LEKR1: variants seen among roughly 807,000 people sequenced by gnomAD.
LEKR1 encodes the protein protein LEKR1.
Under a neutral mutation model 72.4 loss-of-function variants are expected in LEKR1, and 59 were observed. That is an observed-to-expected ratio of 0.82 (90% CI 0.66 to 1.01). LEKR1 has a LOEUF of 1.01. LEKR1 is among the 50% of genes least tolerant of loss of function. The pLI, the probability that LEKR1 is intolerant of heterozygous loss-of-function variation, is 0.00. For synonymous variants in LEKR1, 257 were observed against 263.2 expected (o/e 0.98, Z 0.23); for missense variants, 728 against 759.2 (o/e 0.96, Z 0.48).
intron 3 of LEKR1, among the ~76,000 whole-genome samples, chr3:156,919,959 C>T (rs1204059496): frequency 6.6e-6 from 1 of 152,090 alleles, no homozygotes; most frequent in Non-Finnish European, 1.5e-5. Context: ...GAAAGCCACA[C>T]ACAAAAAAAG....
intron 1 of LEKR1, among the ~76,000 whole-genome samples, chr3:156,827,327 T>G (rs545375113): frequency 7.2e-5 from 11 of 152,368 alleles, no homozygotes; most frequent in Admixed American, 2.6e-4. Context: ...CTTGTCACTT[T>G]GGGAGTTTAA....
chr3:157,035,300 A>G (rs541234574), intron 12 of LEKR1, among the ~76,000 whole-genome samples: 1 of 152,132 alleles, frequency 6.6e-6, no homozygotes. Flanking sequence ...GGTGGAATTG[A>G]AAACAAGGCT....
Position 157,024,843 on chromosome 3 carries a change from A to G in LEKR1, c.1287A>G (p.Lys429=), listed in dbSNP as rs764391210. The part of the protein sequence containing the change: ...EQALLFKEET[K]LQLDIEKEKH... ...CTCTTCTCTTTAAGGAAGAAACAAAATTGCAACTTGATATTGAAAAAGAAA... is the reference window on the plus strand; with the variant it reads ...CTCTTCTCTTTAAGGAAGAAACAAAGTTGCAACTTGATATTGAAAAAGAAA... The change falls in exon 11 of 13, where the codon AAA becomes AAG. Residue 429 remains lysine (K), a synonymous_variant. Transcript: ENST00000356539. The G allele has an allele frequency of 6.2e-7, 1 of 1,611,458 alleles. No individual in the cohort carries two copies. Among genetic ancestry groups the G allele is most frequent in the East Asian group, 2.2e-5 (1 of 44,822 alleles).
intron 3 of LEKR1, among the ~76,000 whole-genome samples, chr3:156,862,392 C>A (rs1258344033): frequency 6.6e-6 from 1 of 151,984 alleles, no homozygotes; most frequent in Admixed American, 6.6e-5. Flanking sequence ...AGAATGAATT[C>A]GAAGGGAGGC....
intron 9 of LEKR1, 30 bp from the exon 10 acceptor site, chr3:157,011,383 T>C (rs1457882738): frequency 6.9e-7 from 1 of 1,457,850 alleles, no homozygotes; most frequent in Non-Finnish European, 9.6e-7. Flanking sequence ...GGGTAAGTAT[T>C]GACTCATTTG....
At chr3:156,910,424 T>C (rs979823729) in intron 3 of LEKR1, among the ~76,000 whole-genome samples, 1 of 152,172 alleles carries the variant, frequency 6.6e-6, no homozygotes, top group African/African-American at 2.4e-5. Flanking sequence ...ATGGTTTCCA[T>C]AACAATAGAC....
rs934276687 is a variant in LEKR1 at position 156,828,236 on chromosome 3, C to A, written c.-44-1050C>A. Among the ~76,000 whole-genome samples, 3 of 152,188 alleles carry A rather than the reference C, an allele frequency of 2.0e-5. No individual in the cohort carries two copies. In the South Asian group the frequency reaches 6.2e-4, roughly 32 times the overall value. The stretch of plus-strand genomic sequence containing the variant: ...ATCTTCTCTTCCACTAGTGGTTGCA[C>A]CATTTACAAAGATAATGCCACTATA... On this transcript the variant is annotated intron_variant, in intron 1 of 12. Transcript: ENST00000356539.
chr3:156,837,102 C>T (rs1447662277), intron 2 of LEKR1, among the ~76,000 whole-genome samples: 1 of 152,208 alleles, frequency 6.6e-6, no homozygotes, highest in African/African-American at 2.4e-5. Context: ...TACTCAGTTT[C>T]AGTAGTGACT....
At chr3:157,044,807 G>C (rs539244425) in intron 12 of LEKR1, among the ~76,000 whole-genome samples, 1 of 152,248 alleles carries the variant, frequency 6.6e-6, no homozygotes, top group Admixed American at 6.5e-5. Flanking sequence ...CATCATATGA[G>C]AACTGATTTT....
chr3:156,931,967 C>A (rs977642080), intron 5 of LEKR1, among the ~76,000 whole-genome samples: 11 of 152,022 alleles, frequency 7.2e-5, no homozygotes, highest in African/African-American at 2.7e-4. Flanking sequence ...TTGTACAATT[C>A]TGTAGGTAAA....
chr3:157,027,529 G>T (rs953581208), intron 11 of LEKR1, among the ~76,000 whole-genome samples: 6 of 152,166 alleles, frequency 3.9e-5, no homozygotes, highest in Admixed American at 3.9e-4. Flanking sequence ...CAAGACTTGA[G>T]CTGAGGCTGG....
intron 6 of LEKR1, among the ~76,000 whole-genome samples, chr3:156,949,649 C>G (rs997042216): frequency 2.3e-4 from 35 of 151,076 alleles, no homozygotes; most frequent in African/African-American, 7.5e-4. Context: ...ATAACAGTCC[C>G]GACCTTCTAG....
intron 3 of LEKR1, among the ~76,000 whole-genome samples, chr3:156,883,161 AGAAC>A (rs59415094): frequency 0.19 from 28,329 of 151,762 alleles, 3,390 homozygotes; most frequent in African/African-American, 0.33. Flanking sequence ...ATAATAATAA[AGAAC>A]GAAAGAAAGA....
At chr3:156,967,140 T>G (rs1431948794) in intron 6 of LEKR1, among the ~76,000 whole-genome samples, 1 of 151,888 alleles carries the variant, frequency 6.6e-6, no homozygotes, top group Non-Finnish European at 1.5e-5. Context: ...GTCACCATCA[T>G]CAAAGACCAA....
chr3:156,991,417 G>T (rs993771631), intron 7 of LEKR1, among the ~76,000 whole-genome samples: 4 of 151,916 alleles, frequency 2.6e-5, no homozygotes, highest in Non-Finnish European at 5.9e-5. Context: ...TGTTCATGAT[G>T]GTTTTTACAT....
chr3:156,870,365 G>A (rs566908633), intron 3 of LEKR1, among the ~76,000 whole-genome samples: 7 of 151,738 alleles, frequency 4.6e-5, no homozygotes, highest in South Asian at 2.1e-4. Context: ...TCTTTTTGTC[G>A]TCTTTATTTC....
intron 12 of LEKR1, among the ~76,000 whole-genome samples, chr3:157,034,633 G>T (rs773117608): frequency 6.6e-6 from 1 of 152,126 alleles, no homozygotes. Flanking sequence ...CAAAGGATTT[G>T]GAATATTATA....
At chr3:156,866,498 C>G (rs1217786869) in intron 3 of LEKR1, among the ~76,000 whole-genome samples, 1 of 152,046 alleles carries the variant, frequency 6.6e-6, no homozygotes, top group African/African-American at 2.4e-5. Context: ...TTGATGATAT[C>G]TTGGTGTCCT....
intron 3 of LEKR1, among the ~76,000 whole-genome samples, chr3:156,875,857 A>G (rs1192231539): frequency 6.6e-6 from 1 of 151,734 alleles, no homozygotes; most frequent in Non-Finnish European, 1.5e-5. Flanking sequence ...TAGCTGGGTA[A>G]GGTGGCGGGT....
Sources: gnomAD v4.1 joint callset for allele counts (sites outside exome capture counted in the v4.1 genomes callset) on GRCh38, gnomAD v4.1.1 for gene constraint, MANE v1.5 for transcripts, NCBI Gene and HGNC (gene_info 2026-07-23, HGNC 2026-07-21) for gene names.